Variants in DAAM1 observed in about 807,000 individuals in gnomAD.
The protein encoded by DAAM1 is dishevelled associated activator of morphogenesis 1, also known as disheveled-associated activator of morphogenesis 1.
A neutral mutation model predicts 130.0 loss-of-function variants in DAAM1; 52 were observed. The observed-to-expected ratio is 0.40, with a 90% CI of 0.32 to 0.50. DAAM1 has a LOEUF of 0.50. DAAM1 is among the 20% of genes least tolerant of loss of function. The pLI, the probability that DAAM1 is intolerant of heterozygous loss-of-function variation, is 0.61. For synonymous variants in DAAM1, 452 were observed against 444.5 expected, an observed-to-expected ratio of 1.02 and a Z score of -0.21; for missense variants, 1,134 against 1,303.8, an observed-to-expected ratio of 0.87 and a Z score of 2.01.
chr14:59,313,839 G>A (rs1319639334), intron 3 of DAAM1, among the ~76,000 whole-genome samples: 3 of 152,172 alleles, frequency 2.0e-5, no homozygotes, highest in African/African-American at 7.2e-5. Flanking sequence ...CCTAAACGTT[G>A]TGAAACTATG....
chr14:59,314,626 A>C (rs1389788137), intron 3 of DAAM1, among the ~76,000 whole-genome samples: 1 of 152,110 alleles, frequency 6.6e-6, no homozygotes, highest in Non-Finnish European at 1.5e-5. Flanking sequence ...CGGTGCCTGA[A>C]TTCTTTGGGT....
chr14:59,256,800 C>A (rs1881909466), intron 1 of DAAM1, among the ~76,000 whole-genome samples: 1 of 152,152 alleles, frequency 6.6e-6, no homozygotes, highest in Admixed American at 6.5e-5. Flanking sequence ...TATGATCTCC[C>A]AAAATGGCAT....
intron 2 of DAAM1, among the ~76,000 whole-genome samples, chr14:59,276,907 C>T (rs546745607): frequency 2.3e-4 from 35 of 152,262 alleles, no homozygotes; most frequent in Non-Finnish European, 4.3e-4. Flanking sequence ...TGCCCATTCC[C>T]CCACCTCAAT....
At chr14:59,221,567 T>C (rs1271256476) in intron 1 of DAAM1, among the ~76,000 whole-genome samples, 2 of 152,208 alleles carry the variant, frequency 1.3e-5, no homozygotes, top group Non-Finnish European at 2.9e-5. Context: ...GATTGGGTTG[T>C]TGTCATTTTT....
intron 1 of DAAM1, among the ~76,000 whole-genome samples, chr14:59,251,609 A>T (rs1881645780): frequency 6.6e-6 from 1 of 152,134 alleles, no homozygotes; most frequent in East Asian, 1.9e-4. Flanking sequence ...ATACCAACTT[A>T]ATGCCTTTAA....
chr14:59,295,969 T>TA (rs1435538087), intron 3 of DAAM1, among the ~76,000 whole-genome samples: 5 of 152,196 alleles, frequency 3.3e-5, no homozygotes, highest in South Asian at 2.1e-4. Context: ...CCAGTAAAAG[T>TA]AAAAAAACTA....
intron 1 of DAAM1, among the ~76,000 whole-genome samples, chr14:59,197,145 C>T (rs1209355746): frequency 6.6e-6 from 1 of 152,212 alleles, no homozygotes; most frequent in Non-Finnish European, 1.5e-5. Context: ...TGGTCTCGAT[C>T]TCCTGACCTC....
chr14:59,269,282 C>G (rs1185033028), intron 2 of DAAM1, among the ~76,000 whole-genome samples: 1 of 152,222 alleles, frequency 6.6e-6, no homozygotes, highest in African/African-American at 2.4e-5. Flanking sequence ...GAGGGAGTTT[C>G]ACTGGAATCA....
At chr14:59,359,860 A>C (rs753140268) in intron 21 of DAAM1, among the ~76,000 whole-genome samples, 29 of 152,362 alleles carry the variant, frequency 1.9e-4, no homozygotes, top group Admixed American at 3.3e-4. Context: ...ATACTCCCAG[A>C]AACCAAGGCG....
chr14:59,260,009 A>C (rs1287533559), intron 1 of DAAM1, among the ~76,000 whole-genome samples: 1 of 152,096 alleles, frequency 6.6e-6, no homozygotes, highest in Non-Finnish European at 1.5e-5. Flanking sequence ...GCGCCACTGC[A>C]CTCTAGCCTG....
chr14:59,275,956 G>A (rs1217513879), intron 2 of DAAM1, among the ~76,000 whole-genome samples: 4 of 152,134 alleles, frequency 2.6e-5, no homozygotes, highest in African/African-American at 9.7e-5. Context: ...AAACCTCCAA[G>A]GTTTGTTCTC....
intron 1 of DAAM1, among the ~76,000 whole-genome samples, chr14:59,198,287 C>G (rs1887975992): frequency 6.6e-6 from 1 of 150,730 alleles, no homozygotes; most frequent in Non-Finnish European, 1.5e-5. Flanking sequence ...CTCACTGCAA[C>G]CTCCGCCTCC....
intron 3 of DAAM1, among the ~76,000 whole-genome samples, chr14:59,306,479 A>C (rs1884384931): frequency 6.6e-6 from 1 of 152,176 alleles, no homozygotes; most frequent in South Asian, 2.1e-4. Context: ...GAGAAGCCTT[A>C]TGTTTAGCAG....
chr14:59,203,666 C>A (rs181033865), intron 1 of DAAM1, among the ~76,000 whole-genome samples: 21 of 152,220 alleles, frequency 1.4e-4, no homozygotes, highest in African/African-American at 4.3e-4. Flanking sequence ...AGAATCTGAT[C>A]CATGTTTTTC....
intron 1 of DAAM1, among the ~76,000 whole-genome samples, chr14:59,254,265 G>A (rs868828284): frequency 1.3e-5 from 2 of 152,290 alleles, no homozygotes; most frequent in South Asian, 4.1e-4. Context: ...TCTTTTCCAT[G>A]ACTGCTGGCC....
intron 24 of DAAM1, 116 bp downstream of exon 24, chr14:59,367,715 TC>T (rs1345367868): frequency 8.9e-6 from 12 of 1,347,688 alleles, no homozygotes; most frequent in Non-Finnish European, 1.2e-5. Flanking sequence ...CAATGTACTC[TC>T]TAGAATGCTG....
At chr14:59,228,108 T>G (rs559488105) in intron 1 of DAAM1, among the ~76,000 whole-genome samples, 1 of 152,364 alleles carries the variant, frequency 6.6e-6, no homozygotes, top group East Asian at 1.9e-4. Flanking sequence ...CCACTTTTTT[T>G]TTCTTCTAAA....
intron 23 of DAAM1, among the ~76,000 whole-genome samples, chr14:59,365,176 GGT>G (rs142052675): frequency 5.3e-5 from 8 of 152,066 alleles, no homozygotes; most frequent in African/African-American, 1.7e-4. Flanking sequence ...CACTGACTGG[GGT>G]GTGTGTGTGT....
intron 1 of DAAM1, among the ~76,000 whole-genome samples, chr14:59,191,294 C>T (rs1887723646): frequency 6.6e-6 from 1 of 152,014 alleles, no homozygotes; most frequent in Non-Finnish European, 1.5e-5. Flanking sequence ...CTGGAACTTA[C>T]CATTAAATGA....
Sources: gnomAD v4.1 joint callset for allele counts (sites outside exome capture counted in the v4.1 genomes callset) on GRCh38, gnomAD v4.1.1 for gene constraint, MANE v1.5 for transcripts, NCBI Gene and HGNC (gene_info 2026-07-23, HGNC 2026-07-21) for gene names.